SDK2: variants seen among roughly 807,000 people sequenced by gnomAD.
SDK2 encodes the protein sidekick cell adhesion molecule 2, also known as protein sidekick-2.
A neutral mutation model predicts 253.9 loss-of-function variants in SDK2; 105 were observed. The observed-to-expected ratio is 0.41, with a 90% CI of 0.35 to 0.49. The LOEUF is 0.49. Ranked by LOEUF, SDK2 falls within the 20% of genes least tolerant of loss-of-function variation. SDK2 has a pLI of 0.06. For synonymous variants in SDK2, 1,249 were observed against 1,234.9 expected (o/e 1.01, Z -0.24); for missense variants, 2,608 against 3,003.0 (o/e 0.87, Z 3.07).
At chr17:73,483,509 G>T in intron 2 of SDK2, among the ~76,000 whole-genome samples, 1 of 48,896 alleles carries the variant, frequency 2.0e-5, no homozygotes, top group South Asian at 6.8e-4. Flanking sequence ...GTGTGTGTGT[G>T]TATGTGTGTG....
At chr17:73,466,223 C>T (rs1229001559) in intron 3 of SDK2, among the ~76,000 whole-genome samples, 1 of 152,136 alleles carries the variant, frequency 6.6e-6, no homozygotes, top group Non-Finnish European at 1.5e-5. Flanking sequence ...CTTGGGTAGA[C>T]AGATTCAAGA....
chr17:73,430,753 C>T (rs535370054), intron 11 of SDK2, 140 bp from the exon 12 acceptor site: 11 of 565,352 alleles, frequency 1.9e-5, no homozygotes, highest in East Asian at 1.7e-4. Flanking sequence ...TTGGAAGCCA[C>T]GTCATAGTTG....
At chr17:73,473,437 AG>A (rs2063665994) in intron 2 of SDK2, among the ~76,000 whole-genome samples, 1 of 152,094 alleles carries the variant, frequency 6.6e-6, no homozygotes, top group African/African-American at 2.4e-5. Context: ...GGGATGTCCT[AG>A]GATGCCTCTC....
chr17:73,545,099 G>GCACA (rs58966207), intron 1 of SDK2, among the ~76,000 whole-genome samples: 10,755 of 145,760 alleles, frequency 0.074, 715 homozygotes, highest in African/African-American at 0.18. Flanking sequence ...GCACGTGCAC[G>GCACA]CACACACACA....
chr17:73,370,676 G>GC (rs2062726825), intron 36 of SDK2, among the ~76,000 whole-genome samples: 1 of 151,696 alleles, frequency 6.6e-6, no homozygotes, highest in African/African-American at 2.4e-5. Context: ...TCCCGCCTCA[G>GC]CCCCCCAGGT....
chr17:73,361,580 C>G lies in SDK2; in HGVS notation c.5467+104G>C. On this transcript the variant is annotated intron_variant, in intron 39 of 44. Coordinates refer to ENST00000392650, the MANE Select transcript of SDK2 (RefSeq NM_001144952.2). This position sits in a 1 kb window ranked among gnomAD's most constrained non-coding sequence, Gnocchi z 4.1. ...GGGAAAGAGTGAGCTCTGTCCTCCA[C>G]TCTGTTTCCAGGGTCCAGCACAGCT... 1.1e-6 allele frequency: 1 copy of G among 918,538 alleles called. No individual in the cohort carries two copies. Among genetic ancestry groups the G allele is most frequent in the Admixed American group, 2.5e-5 (1 of 39,570 alleles). 56.9% of individuals were successfully genotyped at this position (918,538 alleles called of 1,614,324 possible).
In SDK2 at chr17:73,352,179, T is replaced by TG. The variant is rs201553880; in HGVS notation, c.5758+293dup. On this transcript the variant is annotated intron_variant, in intron 41 of 44. Coordinates refer to ENST00000392650, the MANE Select transcript of SDK2 (RefSeq NM_001144952.2). The surrounding 1 kb of genome is among the most constrained non-coding windows in gnomAD (Gnocchi z 4.1). ...TGGTGCCCATGAATGTCCTGGGTGA[T>TG]GAGTGCATGGAAGTTTGCATCTTGG... Among the ~76,000 whole-genome samples, 342 of 152,178 alleles carry TG rather than the reference T, an allele frequency of 2.2e-3. 2 individuals carry two copies. Among genetic ancestry groups the TG allele is most frequent in the African/African-American group, 7.9e-3 (329 of 41,532 alleles).
intron 43 of SDK2, 49 bp downstream of exon 43, chr17:73,350,188 C>CCAGGGCA: frequency 6.5e-7 from 1 of 1,544,850 alleles, no homozygotes; most frequent in Non-Finnish European, 8.7e-7. Context: ...ATTCTCCCCA[C>CCAGGGCA]CTGGGCACTG....
intron 2 of SDK2, among the ~76,000 whole-genome samples, chr17:73,483,587 A>ATGTATG (rs1314008714): frequency 7.1e-6 from 1 of 140,538 alleles, no homozygotes; most frequent in Non-Finnish European, 1.5e-5. Flanking sequence ...GTGTATATAT[A>ATGTATG]TGTATATATA....
At position 73,361,054 on chromosome 17, in the gene SDK2, G is replaced by A. The variant is rs1226326776; in HGVS notation, c.5467+630C>T. 6.6e-6 allele frequency among the ~76,000 whole-genome samples: 1 copy of A among 151,722 alleles called. No individual in the cohort carries two copies. Among genetic ancestry groups the A allele is most frequent in the Non-Finnish European group, 1.5e-5 (1 of 67,944 alleles). Reference sequence around the variant, plus strand: ...CAAAAGGGCGTTCTGCGGAGGGGGTGGGTGGTGAGGTGGGGGAGGCAGGGC... The same window carrying A: ...CAAAAGGGCGTTCTGCGGAGGGGGTAGGTGGTGAGGTGGGGGAGGCAGGGC... On this transcript the variant is annotated intron_variant, in intron 39 of 44. Transcript: ENST00000392650. The surrounding 1 kb of genome is among the most constrained non-coding windows in gnomAD (Gnocchi z 4.1).
chr17:73,614,074 C>G (rs914748547), intron 1 of SDK2, among the ~76,000 whole-genome samples: 1 of 152,194 alleles, frequency 6.6e-6, no homozygotes. Context: ...CTGGGCCTCC[C>G]TGCCGGCCCC....
intron 1 of SDK2, chr17:73,520,547 G>A (rs547020235): frequency 2.4e-4 from 36 of 152,372 alleles, no homozygotes; most frequent in African/African-American, 8.7e-4. Context: ...TCACAGACGA[G>A]ACCCCTGGGG....
chr17:73,585,352 G>T (rs1042137204), intron 1 of SDK2, among the ~76,000 whole-genome samples: 3 of 152,224 alleles, frequency 2.0e-5, no homozygotes, highest in African/African-American at 7.2e-5. Flanking sequence ...GCCATGGAGT[G>T]GTGTGCCACG....
intron 1 of SDK2, among the ~76,000 whole-genome samples, chr17:73,580,401 G>A (rs961842407): frequency 2.1e-4 from 32 of 152,202 alleles, no homozygotes; most frequent in African/African-American, 7.2e-4. Context: ...CTTTCCATGG[G>A]GCCCCCAGCT....
At chr17:73,611,116 C>T (rs967417021) in intron 1 of SDK2, among the ~76,000 whole-genome samples, 2 of 152,172 alleles carry the variant, frequency 1.3e-5, no homozygotes, top group South Asian at 2.1e-4. Context: ...CCAGGGGCTC[C>T]GAGGGGTTGT....
intron 2 of SDK2, among the ~76,000 whole-genome samples, chr17:73,497,516 T>A (rs2063851780): frequency 6.6e-6 from 1 of 152,138 alleles, no homozygotes; most frequent in Non-Finnish European, 1.5e-5. Flanking sequence ...CTGAGTACAG[T>A]GTCTTCCCAG....
At chr17:73,611,952 G>A (rs901846682) in intron 1 of SDK2, among the ~76,000 whole-genome samples, 2 of 152,098 alleles carry the variant, frequency 1.3e-5, no homozygotes, top group South Asian at 2.1e-4. Context: ...GGACCCCAAC[G>A]TGTGCTGATG....
intron 1 of SDK2, among the ~76,000 whole-genome samples, chr17:73,588,197 A>ACC (rs57740393): frequency 0.017 from 2,232 of 130,710 alleles, 57 homozygotes; most frequent in African/African-American, 0.048. Flanking sequence ...ACATGGAGAG[A>ACC]CCCCCCCCCC....
chr17:73,614,567 G>C (rs1365837039), intron 1 of SDK2, among the ~76,000 whole-genome samples: 2 of 104,036 alleles, frequency 1.9e-5, no homozygotes, highest in Admixed American at 2.2e-4. Context: ...GACAAGGATT[G>C]AAAAGGGGGA....
Sources: gnomAD v4.1 joint callset for allele counts (sites outside exome capture counted in the v4.1 genomes callset) on GRCh38, gnomAD v4.1.1 for gene constraint, Gnocchi (gnomAD v3.1) non-coding constraint, MANE v1.5 for transcripts, NCBI Gene and HGNC (gene_info 2026-07-23, HGNC 2026-07-21) for gene names.